TXNDC12: variants seen among roughly 807,000 people sequenced by gnomAD.
The protein encoded by TXNDC12 is thioredoxin domain containing 12, also known as thioredoxin domain-containing protein 12.
A neutral mutation model predicts 24.2 loss-of-function variants in TXNDC12; 22 were observed. The ratio of observed to expected loss-of-function variants is 0.91; its 90% CI spans 0.65 to 1.30. The LOEUF (loss-of-function observed/expected upper bound fraction) is 1.30, where lower values mean the gene tolerates loss of function less well. Ranked by LOEUF, TXNDC12 falls within the 50% of genes most tolerant of loss-of-function variation. The pLI is 0.00. For synonymous variants in TXNDC12, 58 were observed against 73.4 expected, an observed-to-expected ratio of 0.79 and a Z score of 1.07; for missense variants, 184 against 205.8, an observed-to-expected ratio of 0.89 and a Z score of 0.65.
intron 2 of TXNDC12, among the ~76,000 whole-genome samples, chr1:52,038,530 A>G (rs1192057714): frequency 6.6e-6 from 1 of 151,760 alleles, no homozygotes; most frequent in African/African-American, 2.4e-5. Context: ...CAGGCTGGTC[A>G]TAAACTCTTG....
At chr1:52,055,638 G>A (rs1292023851), upstream of TXNDC12, 1 of 156,554 alleles carries the variant, frequency 6.4e-6, no homozygotes, top group Non-Finnish European at 1.4e-5. Context: ...GAGGGTCTCT[G>A]AGGAGACCTG....
intron 4 of TXNDC12, among the ~76,000 whole-genome samples, chr1:52,026,366 A>G (rs1396507686): frequency 1.3e-5 from 2 of 152,146 alleles, no homozygotes; most frequent in Non-Finnish European, 2.9e-5. Context: ...TCCAACTCTA[A>G]GATCTGACAT....
At chr1:52,034,364 A>G (rs1160423216) in intron 2 of TXNDC12, among the ~76,000 whole-genome samples, 1 of 152,234 alleles carries the variant, frequency 6.6e-6, no homozygotes, top group East Asian at 1.9e-4. Flanking sequence ...AACTACCCAG[A>G]GAAATCACTG....
At chr1:52,038,895 C>A (rs1006621096) in intron 2 of TXNDC12, among the ~76,000 whole-genome samples, 1 of 109,596 alleles carries the variant, frequency 9.1e-6, no homozygotes, top group African/African-American at 3.3e-5. Context: ...TTTTTTTTTT[C>A]TTTTTCTGTT....
intron 1 of TXNDC12, among the ~76,000 whole-genome samples, chr1:52,048,760 G>A (rs565549760): frequency 5.7e-4 from 86 of 152,186 alleles, no homozygotes; most frequent in South Asian, 1.2e-3. Context: ...GGGAGGCTGA[G>A]GTGGGAGAAT....
rs536450852 is a variant in TXNDC12, at chr1:52,038,587, C to T, written c.158+2950G>A. Among the ~76,000 whole-genome samples the T allele has an allele frequency of 3.3e-5, 5 of 152,278 alleles. No homozygotes were observed. In the East Asian group the frequency reaches 7.7e-4, roughly 24 times the overall value. On this transcript the variant is annotated intron_variant, in intron 2 of 6. Coordinates refer to ENST00000371626, the MANE Select transcript of TXNDC12 (RefSeq NM_015913.4). The stretch of plus-strand genomic sequence containing the variant: ...TTGGACTGCCAAAGTGCTGGGATTA[C>T]GGGCAACACTGCGCCCAGCCTGTCT...
rs371406914 is a variant in TXNDC12, at chr1:52,040,256, ACT to A, written c.158+1279_158+1280del. 4.2e-4 allele frequency among the ~76,000 whole-genome samples: 64 copies of A among 151,568 alleles called. 2 individuals are homozygous for A. In the East Asian group the frequency reaches 0.012, roughly 29 times the overall value. Reference sequence around the variant, plus strand: ...CCAGAAGCTTTTTAGACAGGGTCTCACTCTGTTTCCAGGCTGCAGTACAGTGG... The same window carrying A: ...CCAGAAGCTTTTTAGACAGGGTCTCACTGTTTCCAGGCTGCAGTACAGTGG... On this transcript the variant is annotated intron_variant, in intron 2 of 6. Coordinates refer to ENST00000371626, the MANE Select transcript of TXNDC12 (RefSeq NM_015913.4).
At chr1:52,029,487 A>G (rs1159789780) in intron 2 of TXNDC12, among the ~76,000 whole-genome samples, 1 of 152,226 alleles carries the variant, frequency 6.6e-6, no homozygotes, top group Non-Finnish European at 1.5e-5. Flanking sequence ...AAATGACAGT[A>G]GGAAGACCCC....
At chr1:52,034,913 G>T (rs935049265) in intron 2 of TXNDC12, among the ~76,000 whole-genome samples, 1 of 151,936 alleles carries the variant, frequency 6.6e-6, no homozygotes, top group Non-Finnish European at 1.5e-5. Context: ...ATGGGTGTGC[G>T]CCACCATATC....
intron 1 of TXNDC12, among the ~76,000 whole-genome samples, chr1:52,041,814 C>G (rs1159461407): frequency 2.0e-5 from 3 of 152,216 alleles, no homozygotes; most frequent in African/African-American, 7.2e-5. Context: ...ACCTAATTCA[C>G]AGTTTCAAAG....
In TXNDC12 at chr1:52,054,987, AACGCGGTCTG is replaced by A. The variant is rs1381616266; in HGVS notation, c.97+3_97+12del. The A allele has an allele frequency of 6.3e-7, 1 of 1,596,054 alleles. No individual in the cohort carries two copies. The highest frequency in any genetic ancestry group is 1.3e-5 in the African/African-American group (1 of 74,546). On this transcript the variant is annotated splice_donor_5th_base_variant and intron_variant, in intron 1 of 6. Transcript: ENST00000371626. ...TAAAGATCAGTAAAGAGAAGATAAG[AACGCGGTCTG>A]ACCCTTTCCAAGCCCATTATGTCCA...
intron 1 of TXNDC12, among the ~76,000 whole-genome samples, chr1:52,050,153 C>T (rs559817146): frequency 8.5e-5 from 13 of 152,282 alleles, no homozygotes; most frequent in East Asian, 3.9e-4. Context: ...AATGAACAAA[C>T]GAATGCAGCT....
chr1:52,045,022 T>TA (rs1274023418), intron 1 of TXNDC12, among the ~76,000 whole-genome samples: 2 of 151,668 alleles, frequency 1.3e-5, no homozygotes, highest in Admixed American at 6.6e-5. Flanking sequence ...AAACAGAACT[T>TA]CTAGAAATTA....
chr1:52,033,034 C>T (rs1557992939), intron 2 of TXNDC12: 3 of 1,574,630 alleles, frequency 1.9e-6, no homozygotes, highest in African/African-American at 2.7e-5. Context: ...AGAGCGGATC[C>T]CCGCCAGGGG....
intron 2 of TXNDC12, among the ~76,000 whole-genome samples, chr1:52,034,468 G>A (rs1685844271): frequency 6.6e-6 from 1 of 152,136 alleles, no homozygotes. Context: ...AATACAGGAT[G>A]CCCAGTTACA....
intron 2 of TXNDC12, chr1:52,033,976 T>G: frequency 7.1e-7 from 1 of 1,417,884 alleles, no homozygotes; most frequent in Non-Finnish European, 9.2e-7. Context: ...CAGTTATTTA[T>G]GCCAAATGTT....
At chr1:52,036,089 C>T (rs1002354918) in intron 2 of TXNDC12, among the ~76,000 whole-genome samples, 3 of 152,120 alleles carry the variant, frequency 2.0e-5, no homozygotes, top group Non-Finnish European at 4.4e-5. Flanking sequence ...GCACTTAGTA[C>T]AGCTGACCCT....
chr1:52,024,498 C>A lies in TXNDC12; in HGVS notation c.355+12G>T, dbSNP rs2124358486. 1 of 1,604,976 alleles carries A rather than the reference C, an allele frequency of 6.2e-7. No homozygotes were observed. ...ACATCATGGATTCCCAGGTTAAGAT[C>A]ATGTGCCTTACCCAGAAAAAGGATT... On this transcript the variant is annotated intron_variant, in intron 5 of 6. Transcript: ENST00000371626.
chr1:52,036,970 G>A (rs1184400672), intron 2 of TXNDC12, among the ~76,000 whole-genome samples: 2 of 152,140 alleles, frequency 1.3e-5, no homozygotes, highest in Non-Finnish European at 2.9e-5. Flanking sequence ...GTTTTATCCA[G>A]CAGGAATTTA....
Sources: gnomAD v4.1 joint callset for allele counts (sites outside exome capture counted in the v4.1 genomes callset) on GRCh38, gnomAD v4.1.1 for gene constraint, MANE v1.5 for transcripts, NCBI Gene and HGNC (gene_info 2026-07-23, HGNC 2026-07-21) for gene names.